The following TCF25 variants were observed in gnomAD, a reference collection of about 807,000 sequenced individuals.
TCF25 encodes the protein ribosome quality control complex subunit TCF25.
Under a neutral mutation model 83.1 loss-of-function variants are expected in TCF25, and 41 were observed. That is an observed-to-expected ratio of 0.49 (90% CI 0.38 to 0.64). The LOEUF (loss-of-function observed/expected upper bound fraction) is 0.64. Ranked by LOEUF, TCF25 falls within the 30% of genes least tolerant of loss-of-function variation. The pLI is 0.00. For missense variants in TCF25, 979 were observed against 914.5 expected, an observed-to-expected ratio of 1.07 and a Z score of -0.91; for synonymous variants, 458 against 365.0, an observed-to-expected ratio of 1.25 and a Z score of -2.90.
rs369539627 is a variant in TCF25, at chr16:89,885,955, C to T, written c.537C>T (p.Tyr179=). The T allele has an allele frequency of 2.1e-5, 31 of 1,508,090 alleles. No individual in the cohort carries two copies. The highest frequency in any genetic ancestry group is 2.4e-5 in the South Asian group (2 of 83,502). 93.4% of individuals were successfully genotyped at this position (1,508,090 alleles called of 1,614,324 possible). A position where few individuals can be genotyped will look rare whatever the true frequency, so the allele number is the denominator to read the frequency against. The change falls in exon 4 of 18, where the codon TAC becomes TAT. Residue 179 remains tyrosine (Y), a synonymous_variant. Transcript: ENST00000263346. ...TGAGCTCCAGGAAGCACGTTCTCTA[C>T]GTGGAGCACAGGTGTGGCCCCCGCC... ...APLSSRKHVL[Y]VEHRHLNPDT...
At position 89,907,262 on chromosome 16, in the gene TCF25, T is replaced by C; in HGVS notation, c.1739T>C (p.Val580Ala). 1 of 1,612,816 alleles carries C rather than the reference T, an allele frequency of 6.2e-7. No homozygotes were observed. Among genetic ancestry groups the C allele is most frequent in the Non-Finnish European group, 8.5e-7 (1 of 1,179,370 alleles). The change falls in exon 16 of 18, where the codon GTG (valine) becomes GCG (alanine). Residue 580 changes from valine to alanine, a missense_variant. By Grantham distance (64) the Val-to-Ala change is moderately conservative. Transcript: ENST00000263346. ...CTGAAGGACGTGACCACGCAGTCTG[T>C]GATGGGGTTTGATCCTCTGCCTCCT... ...ALPPDVTTQS[V>A]MGFDPLPPSD...
intron 1 of TCF25, among the ~76,000 whole-genome samples, chr16:89,878,792 C>T (rs529617587): frequency 4.6e-5 from 7 of 152,164 alleles, no homozygotes; most frequent in African/African-American, 2.4e-5. Flanking sequence ...AGGCGCCCAC[C>T]ACCACGCCCG....
chr16:89,879,415 A>G (rs370634045), intron 1 of TCF25, among the ~76,000 whole-genome samples: 1,849 of 90,464 alleles, frequency 0.02, 4 homozygotes, highest in South Asian at 0.047. Flanking sequence ...TTGTCCGTGT[A>G]CACAGATGGG....
intron 14 of TCF25, among the ~76,000 whole-genome samples, chr16:89,905,773 T>C (rs1016166184): frequency 6.6e-6 from 1 of 152,212 alleles, no homozygotes; most frequent in Non-Finnish European, 1.5e-5. Context: ...GACATTCTCA[T>C]GGACAGGAGC....
At chr16:89,874,671 C>G (rs1032667438) in intron 1 of TCF25, 2 of 152,324 alleles carry the variant, frequency 1.3e-5, no homozygotes, top group African/African-American at 4.8e-5. Flanking sequence ...TCTCCTAAGC[C>G]CTGGCCTCCG....
Position 89,898,585 on chromosome 16 carries a change from A to T in TCF25, c.1051A>T (p.Met351Leu), listed in dbSNP as rs201742447. 7.4e-6 allele frequency: 12 copies of T among 1,613,286 alleles called. No individual in the cohort carries two copies. The East Asian group carries it at 2.7e-4, about 36-fold the overall frequency. The change falls in exon 10 of 18, where the codon ATG becomes TTG. Residue 351 changes from methionine to leucine, a missense_variant. Transcript: ENST00000263346. ...RSFYLALYKQMSFLEKRGCPR... is the reference protein window; with the variant it reads ...RSFYLALYKQLSFLEKRGCPR... ...CTTCTACCTGGCCCTCTACAAGCAG[A>T]TGAGCTTCCTGGAGAAGCGAGGCTG...
At chr16:89,893,251 TGA>T (rs1192260996) in intron 6 of TCF25, among the ~76,000 whole-genome samples, 1 of 152,186 alleles carries the variant, frequency 6.6e-6, no homozygotes, top group Non-Finnish European at 1.5e-5. Context: ...AGGAGCCAAG[TGA>T]GAGGGTGGTC....
In TCF25 at chr16:89,884,653, A is replaced by T; in HGVS notation, c.426A>T (p.Ala142=). 4.3e-6 allele frequency: 7 copies of T among 1,612,104 alleles called. No homozygotes were observed. Among genetic ancestry groups the T allele is most frequent in the Non-Finnish European group, 5.9e-6 (7 of 1,178,880 alleles). Residue 142 remains alanine, a synonymous_variant, in exon 3 of 18, where the codon GCA becomes GCT. Coordinates refer to ENST00000263346, the MANE Select transcript of TCF25 (RefSeq NM_014972.3). ...ACAAGAAAAGCAGCACGGGAGAAGC[A>T]TCGGTACGTGAGTTGGGCCTGGCTG... The part of the protein sequence containing the change: ...QKNKKSSTGE[A]SENGLEDIDR...
intron 14 of TCF25, 55 bp from the exon 15 acceptor site, chr16:89,906,139 T>TA: frequency 6.6e-7 from 1 of 1,513,396 alleles, no homozygotes; most frequent in Non-Finnish European, 9.1e-7. Context: ...CCATGGCGGT[T>TA]ACCATTTCAT....
chr16:89,898,639 C>T lies in TCF25; in HGVS notation c.1105C>T (p.Leu369Phe). ...CPRTALEYCK[L>F]ILSLEPDEDP... is the part of the protein sequence containing the mutation. ...GCGCACGGCGCTGGAGTACTGCAAG[C>T]TCATCCTGAGGTGAGTGTCTGCTCA... is the stretch of plus-strand genomic sequence containing the variant. The change falls in exon 10 of 18, where the codon CTC (leucine) becomes TTC (phenylalanine). Residue 369 changes from leucine to phenylalanine, a missense_variant. By Grantham distance (22) the Leu-to-Phe change is conservative. Coordinates refer to ENST00000263346, the MANE Select transcript of TCF25 (RefSeq NM_014972.3). The T allele has an allele frequency of 6.2e-7, 1 of 1,612,912 alleles. No homozygotes were observed. The highest frequency in any genetic ancestry group is 8.5e-7 in the Non-Finnish European group (1 of 1,180,014).
chr16:89,910,323 G>A lies in TCF25; in HGVS notation c.1800-268G>A, dbSNP rs995870369. ...GCAGTGGCCGAGGATGGCTGTGGGA[G>A]CCTCGCTCCGGACGCCACGCCTGCC... On this transcript the variant is annotated intron_variant, in intron 16 of 17. Coordinates refer to ENST00000263346, the MANE Select transcript of TCF25 (RefSeq NM_014972.3). 3 of 541,812 alleles carry A rather than the reference G, an allele frequency of 5.5e-6. No homozygotes were observed. In the African/African-American group the frequency reaches 5.7e-5, roughly 10 times the overall value. The allele number at this position is 541,812 out of a possible 1,614,324, so 33.6% of individuals were successfully genotyped here.
intron 9 of TCF25, among the ~76,000 whole-genome samples, chr16:89,896,548 CA>C (rs541282551): frequency 0.014 from 1,944 of 140,678 alleles, 72 homozygotes; most frequent in African/African-American, 0.051. Context: ...CTCAAAACAG[CA>C]TTTTTTTTTT....
At chr16:89,904,328 C>T (rs1355789518) in intron 13 of TCF25, 123 bp downstream of exon 13, 17 of 1,099,896 alleles carry the variant, frequency 1.5e-5, no homozygotes, top group Non-Finnish European at 2.1e-5. Flanking sequence ...GCTGTGGTGG[C>T]GGCCTCGGGG....
intron 14 of TCF25, 61 bp downstream of exon 14, chr16:89,905,157 C>A: frequency 6.7e-7 from 1 of 1,482,832 alleles, no homozygotes. Context: ...TCATCCCAGA[C>A]ACGGGGGCCT....
At position 89,886,184 on chromosome 16, in the gene TCF25, T is replaced by G. The variant is rs543281313; in HGVS notation, c.548+218T>G. The G allele has an allele frequency of 9.6e-4, 503 of 525,988 alleles. 1 individual carries two copies. The highest frequency in any genetic ancestry group is 1.2e-3 in the Non-Finnish European group (320 of 275,006). The allele number at this position is 525,988 out of a possible 1,614,324, so 32.6% of individuals were successfully genotyped here. Reference sequence around the variant, plus strand: ...GGCTCACGCCTGTAATCCCAGCACTTTGGGAGGCCAAGGCAGGCGGATCAT... The same window carrying G: ...GGCTCACGCCTGTAATCCCAGCACTGTGGGAGGCCAAGGCAGGCGGATCAT... On this transcript the variant is annotated intron_variant, in intron 4 of 17. Coordinates refer to ENST00000263346, the MANE Select transcript of TCF25 (RefSeq NM_014972.3).
In TCF25 at chr16:89,906,106, G is replaced by C; in HGVS notation, c.1629-88G>C. 3.5e-6 allele frequency: 4 copies of C among 1,139,072 alleles called. No homozygotes were observed. The South Asian group carries it at 5.5e-5, about 16-fold the overall frequency. 70.6% of individuals were successfully genotyped at this position (1,139,072 alleles called of 1,614,324 possible). ...GAGATGCAGCGAGATGCCTCGTGCT[G>C]GGTGGGGGTGGGGGCCGAGGCTCCA... On this transcript the variant is annotated intron_variant, in intron 14 of 17. Coordinates refer to ENST00000263346, the MANE Select transcript of TCF25 (RefSeq NM_014972.3).
chr16:89,908,622 C>G (rs1421566750), intron 16 of TCF25, among the ~76,000 whole-genome samples: 1 of 121,366 alleles, frequency 8.2e-6, no homozygotes, highest in Non-Finnish European at 1.8e-5. Flanking sequence ...GCTCCCACCT[C>G]CCAGCTCCCA....
At chr16:89,890,936 T>G (rs1194438985) in intron 5 of TCF25, among the ~76,000 whole-genome samples, 1 of 152,196 alleles carries the variant, frequency 6.6e-6, no homozygotes, top group African/African-American at 2.4e-5. Context: ...TTTTATTCAT[T>G]CCTTGTCCTG....
At chr16:89,891,757 TC>T (rs1331881128) in intron 5 of TCF25, among the ~76,000 whole-genome samples, 1 of 152,174 alleles carries the variant, frequency 6.6e-6, no homozygotes. Context: ...TTTTTTATTT[TC>T]CTCTTGAGAC....
Sources: allele counts gnomAD v4.1 joint callset (sites outside exome capture counted in the v4.1 genomes callset), GRCh38; gene constraint gnomAD v4.1.1; transcripts MANE v1.5; gene names NCBI Gene and HGNC (gene_info 2026-07-23, HGNC 2026-07-21).